CYSLTR1: variants seen among roughly 807,000 people sequenced by gnomAD.
The protein encoded by CYSLTR1 is cysteinyl leukotriene receptor 1.
Under a neutral mutation model 2.1 loss-of-function variants are expected in CYSLTR1, and 1 was observed. The observed-to-expected ratio is 0.48, with a 90% CI of 0.17 to 2.28. The LOEUF is 2.28. CYSLTR1 is among the 30% of genes most tolerant of loss of function. The pLI, the probability that CYSLTR1 is intolerant of heterozygous loss-of-function variation, is 0.26. For synonymous variants in CYSLTR1, 110 were observed against 89.6 expected (o/e 1.23, Z -1.28); for missense variants, 299 against 250.1 (o/e 1.20, Z -1.32).
chrX:78,322,551 A>T (rs1395375042), intron 1 of CYSLTR1, among the ~76,000 whole-genome samples: 1 of 111,819 alleles, frequency 8.9e-6, no homozygotes, highest in Non-Finnish European at 1.9e-5. Flanking sequence ...TTTAATCTAC[A>T]AACCATCAGG....
At chrX:78,280,248 GA>G (rs971356978) in intron 2 of CYSLTR1, among the ~76,000 whole-genome samples, 11 of 110,719 alleles carry the variant, frequency 9.9e-5, no homozygotes, top group African/African-American at 3.6e-4. Flanking sequence ...AGTTGTGGAA[GA>G]AAAAAAACTG....
intron 1 of CYSLTR1, chrX:78,318,764 T>C (rs1467660919): frequency 8.9e-6 from 1 of 111,773 alleles, no homozygotes. Flanking sequence ...ATGACAGTAA[T>C]AGTCTTCCAG....
At chrX:78,321,490 A>C (rs1344235472) in intron 1 of CYSLTR1, 2 of 110,677 alleles carry the variant, frequency 1.8e-5, no homozygotes, top group African/African-American at 6.6e-5. Context: ...CGGGAGTTTG[A>C]GACCAGCGTG....
rs1422804298 is a variant in CYSLTR1 at position 78,273,042 on chromosome X, G to C, written c.705C>G (p.Ile235Met). The C allele has an allele frequency of 8.3e-7, 1 of 1,211,468 alleles. No homozygotes were observed. The highest frequency in any genetic ancestry group is 1.1e-6 in the Non-Finnish European group (1 of 895,341). Residue 235 changes from isoleucine (I) to methionine (M), a missense_variant, in exon 3 of 3, where the codon ATC becomes ATG. Physicochemically the swap from Ile to Met is conservative, Grantham distance 10 (BLOSUM62 1). Coordinates refer to ENST00000373304, the MANE Select transcript of CYSLTR1 (RefSeq NM_006639.4). ...CTAAAAAGGCAGCGGTCACGACCAT[G>C]ATCATTCCTATAGCCTTTTTATGAC... Reference protein sequence around the residue: ...LSSHKKAIGMIMVVTAAFLVS... With the variant: ...LSSHKKAIGMMMVVTAAFLVS...
At chrX:78,281,446 T>G (rs967390242) in intron 2 of CYSLTR1, among the ~76,000 whole-genome samples, 1 of 109,940 alleles carries the variant, frequency 9.1e-6, no homozygotes, top group Non-Finnish European at 1.9e-5. Flanking sequence ...AATTTTTGTA[T>G]TTTTTTGGTA....
At chrX:78,322,149 C>T (rs1168004796) in intron 1 of CYSLTR1, among the ~76,000 whole-genome samples, 1 of 111,186 alleles carries the variant, frequency 9.0e-6, no homozygotes, top group East Asian at 2.8e-4. Context: ...TTTTATTTGA[C>T]CAACTCCCCA....
intron 2 of CYSLTR1, among the ~76,000 whole-genome samples, chrX:78,280,589 G>A (rs1921801831): frequency 9.1e-6 from 1 of 109,973 alleles, no homozygotes; most frequent in East Asian, 2.8e-4. Flanking sequence ...TAGGTTCAGG[G>A]GTACATGGGC....
chrX:78,280,395 CAAATAGAA>C (rs1461496062), intron 2 of CYSLTR1, among the ~76,000 whole-genome samples: 1 of 110,332 alleles, frequency 9.1e-6, no homozygotes, highest in Non-Finnish European at 1.9e-5. Flanking sequence ...ATATAATTGA[CAAATAGAA>C]ATTGCGTATT....
chrX:78,295,370 C>CT (rs36092711), intron 1 of CYSLTR1, among the ~76,000 whole-genome samples: 338 of 86,569 alleles, frequency 3.9e-3, no homozygotes, highest in Admixed American at 9.0e-3. Flanking sequence ...TCCTGATTTC[C>CT]TTTTTTTTTT....
chrX:78,295,744 A>C (rs191105687), intron 1 of CYSLTR1, among the ~76,000 whole-genome samples: 49 of 111,707 alleles, frequency 4.4e-4, no homozygotes, highest in African/African-American at 1.6e-3. Context: ...TTAAATTATT[A>C]GATTTCTTTT....
At position 78,273,424 on chromosome X, in the gene CYSLTR1, T is replaced by G; in HGVS notation, c.323A>C (p.Tyr108Ser). Residue 108 changes from tyrosine (Y) to serine (S), a missense_variant, in exon 3 of 3, where the codon TAT becomes TCT. Transcript: ENST00000373304. ...LSTYALYVNLYCSIFFMTAMS... is the reference protein window; with the variant it reads ...LSTYALYVNLSCSIFFMTAMS... The stretch of plus-strand genomic sequence containing the variant: ...GGCTGTCATAAAGAAGATGCTACAA[T>G]AGAGGTTGACATACAAAGCATAGGT... 1 of 1,211,192 alleles carries G rather than the reference T, an allele frequency of 8.3e-7. No individual in the cohort carries two copies. The highest frequency in any genetic ancestry group is 1.1e-6 in the Non-Finnish European group (1 of 895,260).
At chrX:78,281,731 C>T (rs1055949721) in intron 2 of CYSLTR1, among the ~76,000 whole-genome samples, 5 of 111,963 alleles carry the variant, frequency 4.5e-5, no homozygotes, top group East Asian at 2.8e-4. Flanking sequence ...CCATACTGTA[C>T]ATTAACTCCT....
intron 1 of CYSLTR1, among the ~76,000 whole-genome samples, chrX:78,302,664 T>C (rs1279954106): frequency 1.8e-5 from 2 of 110,844 alleles, no homozygotes; most frequent in African/African-American, 6.6e-5. Context: ...GGTCCTTCCA[T>C]TCAAGGCAAC....
intron 1 of CYSLTR1, among the ~76,000 whole-genome samples, chrX:78,302,016 C>G (rs1474016485): frequency 4.5e-5 from 5 of 111,942 alleles, no homozygotes; most frequent in Non-Finnish European, 9.4e-5. Context: ...TTTACTATCA[C>G]AAGAACAGCA....
chrX:78,291,122 A>G (rs967622217), intron 1 of CYSLTR1, among the ~76,000 whole-genome samples: 5 of 111,735 alleles, frequency 4.5e-5, no homozygotes, highest in Admixed American at 1.9e-4. Context: ...TTATTTTGAG[A>G]TACATCCCAT....
At chrX:78,284,706 C>T (rs185570234) in intron 1 of CYSLTR1, among the ~76,000 whole-genome samples, 4 of 102,255 alleles carry the variant, frequency 3.9e-5, no homozygotes, top group African/African-American at 7.3e-5. Flanking sequence ...CTGGCCCCTT[C>T]GGTTTATTCT....
intron 1 of CYSLTR1, among the ~76,000 whole-genome samples, chrX:78,298,210 A>G (rs1033749257): frequency 9.0e-6 from 1 of 111,668 alleles, no homozygotes; most frequent in African/African-American, 3.2e-5. Context: ...ATTAATGTCC[A>G]GTTTTATTCC....
intron 1 of CYSLTR1, among the ~76,000 whole-genome samples, chrX:78,308,118 G>A (rs1923093044): frequency 9.0e-6 from 1 of 110,639 alleles, no homozygotes; most frequent in African/African-American, 3.3e-5. Flanking sequence ...TTGCCTGATT[G>A]GTGTGGAGGA....
In CYSLTR1 at chrX:78,308,487, G is replaced by A. The variant is rs189242057; in HGVS notation, c.-115+18818C>T. On this transcript the variant is annotated intron_variant, in intron 1 of 2. Coordinates refer to ENST00000373304, the MANE Select transcript of CYSLTR1 (RefSeq NM_006639.4). ...ATAGGGCTGGAAATGGAGCCTCTAA[G>A]TTTAATTTTTATATCTAGAAAGATT... 3.9e-3 allele frequency among the ~76,000 whole-genome samples: 435 copies of A among 111,123 alleles called. 1 individual carries two copies. Among genetic ancestry groups the A allele is most frequent in the African/African-American group, 0.014 (419 of 30,627 alleles).
Sources: allele counts gnomAD v4.1 joint callset (sites outside exome capture counted in the v4.1 genomes callset), GRCh38; gene constraint gnomAD v4.1.1; transcripts MANE v1.5; gene names NCBI Gene and HGNC (gene_info 2026-07-23, HGNC 2026-07-21).